MECOM: variants seen among roughly 807,000 people sequenced by gnomAD.
The protein encoded by MECOM is MDS1 and EVI1 complex locus, also known as histone-lysine N-methyltransferase MECOM.
In MECOM, 13 loss-of-function variants were observed where a neutral mutation model predicts 116.3. That is an observed-to-expected ratio of 0.11 (90% CI 0.07 to 0.18). MECOM has a LOEUF of 0.18. Ranked by LOEUF, MECOM falls within the 10% of genes least tolerant of loss-of-function variation. MECOM has a pLI of 1.00. For synonymous variants in MECOM, 528 were observed against 535.2 expected, an observed-to-expected ratio of 0.99 and a Z score of 0.19; for missense variants, 1,299 against 1,509.0, an observed-to-expected ratio of 0.86 and a Z score of 2.31.
At chr3:169,121,002 C>T in intron 7 of MECOM, 54 bp downstream of exon 7, 2 of 1,541,992 alleles carry the variant, frequency 1.3e-6, no homozygotes, top group Non-Finnish European at 1.8e-6. Context: ...GGTCACAGTG[C>T]CTTTTGGGGA....
chr3:169,510,652 G>T (rs1294892712), intron 1 of MECOM, among the ~76,000 whole-genome samples: 1 of 151,700 alleles, frequency 6.6e-6, no homozygotes, highest in Non-Finnish European at 1.5e-5. Context: ...AAAGGTCAGG[G>T]TCACATCGCA....
intron 1 of MECOM, among the ~76,000 whole-genome samples, chr3:169,533,505 G>A (rs767945848): frequency 6.6e-6 from 1 of 151,422 alleles, no homozygotes; most frequent in African/African-American, 2.4e-5. Context: ...TTTGGAGGGG[G>A]ACGTGTAAGG....
chr3:169,534,547 T>G (rs919033345), intron 1 of MECOM, among the ~76,000 whole-genome samples: 1 of 150,628 alleles, frequency 6.6e-6, no homozygotes, highest in Non-Finnish European at 1.5e-5. Context: ...CTTCCTTTTA[T>G]TAAAAAAAAA....
At chr3:169,155,086 ATAAAC>A (rs1277463545) in intron 2 of MECOM, among the ~76,000 whole-genome samples, 6 of 152,332 alleles carry the variant, frequency 3.9e-5, no homozygotes, top group Admixed American at 2.0e-4. Flanking sequence ...GCTTTCCATC[ATAAAC>A]TAAACTGTCT....
At chr3:169,486,564 G>C (rs1752409351) in intron 1 of MECOM, among the ~76,000 whole-genome samples, 1 of 151,968 alleles carries the variant, frequency 6.6e-6, no homozygotes, top group Admixed American at 6.6e-5. Flanking sequence ...GATACTTGAT[G>C]CACAAAGATC....
chr3:169,566,311 G>A (rs979652291), intron 1 of MECOM, among the ~76,000 whole-genome samples: 85 of 152,226 alleles, frequency 5.6e-4, no homozygotes, highest in African/African-American at 2.0e-3. Flanking sequence ...AGAGGTACCT[G>A]GGCATGCACC....
chr3:169,183,476 C>T (rs536775437), intron 2 of MECOM, among the ~76,000 whole-genome samples: 1 of 152,290 alleles, frequency 6.6e-6, no homozygotes, highest in East Asian at 1.9e-4. Flanking sequence ...CTGCACTTGA[C>T]TTTTAAGATC....
intron 1 of MECOM, among the ~76,000 whole-genome samples, chr3:169,535,816 A>T (rs930606612): frequency 6.6e-6 from 1 of 152,236 alleles, no homozygotes; most frequent in Admixed American, 6.5e-5. Flanking sequence ...GAGAATAAGC[A>T]GACTGTCAAC....
At chr3:169,210,729 C>T (rs1750608203) in intron 2 of MECOM, among the ~76,000 whole-genome samples, 1 of 152,098 alleles carries the variant, frequency 6.6e-6, no homozygotes, top group African/African-American at 2.4e-5. Flanking sequence ...AGAGCAGTTC[C>T]ACCTCCCCAG....
At chr3:169,381,706 G>C (rs1339771731) in intron 1 of MECOM, among the ~76,000 whole-genome samples, 182 bp from the exon 2 acceptor site, 1 of 152,178 alleles carries the variant, frequency 6.6e-6, no homozygotes, top group African/African-American at 2.4e-5. Context: ...TATGGCCTCT[G>C]TGGTTTATCT....
chr3:169,196,180 C>T (rs1447500709), intron 2 of MECOM, among the ~76,000 whole-genome samples: 2 of 151,982 alleles, frequency 1.3e-5, no homozygotes, highest in African/African-American at 2.4e-5. Context: ...CTAAAGGAAA[C>T]ATAATTTTAA....
At chr3:169,592,492 T>C (rs150727686) in intron 1 of MECOM, among the ~76,000 whole-genome samples, 1 of 152,218 alleles carries the variant, frequency 6.6e-6, no homozygotes, top group Non-Finnish European at 1.5e-5. Context: ...AGCCTTCTCC[T>C]CTACCCTCTG....
At chr3:169,472,863 G>C (rs1294537749) in intron 1 of MECOM, 1 of 472,616 alleles carries the variant, frequency 2.1e-6, no homozygotes, top group Non-Finnish European at 2.8e-6. Flanking sequence ...CAAAGACAAG[G>C]TCTTAATGAC....
At chr3:169,426,844 A>G (rs1312285585) in intron 1 of MECOM, among the ~76,000 whole-genome samples, 1 of 152,228 alleles carries the variant, frequency 6.6e-6, no homozygotes, top group African/African-American at 2.4e-5. Flanking sequence ...TAAGGCTAAC[A>G]GAGAATGTAG....
intron 2 of MECOM, among the ~76,000 whole-genome samples, chr3:169,305,231 T>G (rs1026764583): frequency 6.6e-6 from 1 of 152,062 alleles, no homozygotes; most frequent in African/African-American, 2.4e-5. Context: ...TATAATCATA[T>G]TCAGTGAAGT....
intron 1 of MECOM, among the ~76,000 whole-genome samples, chr3:169,584,211 T>C (rs956106225): frequency 6.6e-6 from 1 of 152,140 alleles, no homozygotes; most frequent in Admixed American, 6.5e-5. Context: ...TAATAGACAT[T>C]AGAACAAATT....
In MECOM at chr3:169,147,388, C is replaced by G; in HGVS notation, c.376-3556G>C. 8 of 985,488 alleles carry G rather than the reference C, an allele frequency of 8.1e-6. No homozygotes were observed. The South Asian group carries it at 3.3e-4, about 41-fold the overall frequency. The allele number at this position is 985,488 out of a possible 1,614,324, so 61.0% of individuals were successfully genotyped here. A position where few individuals can be genotyped will look rare whatever the true frequency, so the allele number is the denominator to read the frequency against. The stretch of plus-strand genomic sequence containing the variant: ...CGGGTTTCTATTTCATGAACTGTCT[C>G]TTTAAAGAGGATCTGCTCGGCCATC... On this transcript the variant is annotated intron_variant, in intron 2 of 16. Coordinates refer to ENST00000651503, the MANE Select transcript of MECOM (RefSeq NM_004991.4).
chr3:169,129,121 A>G (rs1363976883), intron 4 of MECOM, among the ~76,000 whole-genome samples: 1 of 152,086 alleles, frequency 6.6e-6, no homozygotes, highest in Non-Finnish European at 1.5e-5. Context: ...CTTTTTCTGA[A>G]AAGAGGTTCA....
intron 1 of MECOM, among the ~76,000 whole-genome samples, chr3:169,433,639 G>GAGAA (rs748166969): frequency 0.18 from 23,369 of 126,714 alleles, 2,279 homozygotes; most frequent in South Asian, 0.2. Flanking sequence ...GAAAGAGAAA[G>GAGAA]AGAAAGAAAG....
Sources: allele counts gnomAD v4.1 joint callset (sites outside exome capture counted in the v4.1 genomes callset), GRCh38; gene constraint gnomAD v4.1.1; transcripts MANE v1.5; gene names NCBI Gene and HGNC (gene_info 2026-07-23, HGNC 2026-07-21).